Variants in PTPRD observed in about 807,000 individuals in gnomAD.
PTPRD encodes the protein receptor-type tyrosine-protein phosphatase delta.
In PTPRD, 34 loss-of-function variants were observed where a neutral mutation model predicts 214.5. That is an observed-to-expected ratio of 0.16 (90% CI 0.12 to 0.21). PTPRD has a LOEUF of 0.21. PTPRD is among the 10% of genes least tolerant of loss of function. The pLI, the probability that PTPRD is intolerant of heterozygous loss-of-function variation, is 1.00. For synonymous variants in PTPRD, 1,128 were observed against 845.7 expected (o/e 1.33, Z -5.79); for missense variants, 2,545 against 2,398.7 (o/e 1.06, Z -1.27).
intron 7 of PTPRD, among the ~76,000 whole-genome samples, chr9:9,647,726 C>T (rs2096231749): frequency 6.6e-6 from 1 of 152,182 alleles, no homozygotes; most frequent in South Asian, 2.1e-4. Flanking sequence ...CTTATTGTGA[C>T]AGCAGACCTT....
intron 3 of PTPRD, among the ~76,000 whole-genome samples, chr9:10,338,102 C>A (rs563947027): frequency 1.5e-4 from 23 of 151,674 alleles, no homozygotes; most frequent in South Asian, 2.1e-4. Flanking sequence ...CAAAGACCAA[C>A]TGAAAATGCA....
At chr9:9,640,465 C>G (rs2095903300) in intron 7 of PTPRD, among the ~76,000 whole-genome samples, 1 of 152,194 alleles carries the variant, frequency 6.6e-6, no homozygotes, top group Non-Finnish European at 1.5e-5. Flanking sequence ...GAAGCCTCTG[C>G]ACTTTTCATT....
At chr9:9,093,241 C>T (rs948886940) in intron 10 of PTPRD, among the ~76,000 whole-genome samples, 1 of 151,938 alleles carries the variant, frequency 6.6e-6, no homozygotes, top group Non-Finnish European at 1.5e-5. Flanking sequence ...TAGTTAGAGG[C>T]TTCAAAATTC....
chr9:8,547,129 C>G (rs906512056), intron 14 of PTPRD, among the ~76,000 whole-genome samples: 1 of 152,088 alleles, frequency 6.6e-6, no homozygotes, highest in Admixed American at 6.5e-5. Context: ...TAGATACAAC[C>G]TTTTAAAAAT....
intron 11 of PTPRD, among the ~76,000 whole-genome samples, chr9:8,846,469 G>C (rs1012300955): frequency 3.3e-5 from 5 of 152,154 alleles, no homozygotes; most frequent in South Asian, 2.1e-4. Flanking sequence ...CATTATGATA[G>C]ACACTATATG....
intron 2 of PTPRD, among the ~76,000 whole-genome samples, chr9:10,490,948 CTCTA>C (rs2040002384): frequency 6.6e-6 from 1 of 152,114 alleles, no homozygotes; most frequent in African/African-American, 2.4e-5. Flanking sequence ...TTTTGCATTT[CTCTA>C]TCTTAATACT....
chr9:9,631,650 CAT>C (rs1299948321), intron 7 of PTPRD, among the ~76,000 whole-genome samples: 1 of 152,120 alleles, frequency 6.6e-6, no homozygotes, highest in African/African-American at 2.4e-5. Flanking sequence ...TGTCAGGTAA[CAT>C]AGGGAAAGGA....
chr9:9,788,969 T>C (rs1484065809), intron 5 of PTPRD, among the ~76,000 whole-genome samples: 3 of 152,194 alleles, frequency 2.0e-5, no homozygotes, highest in Admixed American at 2.0e-4. Flanking sequence ...TCTAACACTT[T>C]CAAAAATTGA....
At chr9:8,350,883 T>A (rs2075265642) in intron 39 of PTPRD, among the ~76,000 whole-genome samples, 2 of 152,176 alleles carry the variant, frequency 1.3e-5, no homozygotes, top group Non-Finnish European at 2.9e-5. Flanking sequence ...ATATAGTAGT[T>A]ATAGCAGTTT....
At chr9:9,168,436 T>C (rs1156588721) in intron 10 of PTPRD, among the ~76,000 whole-genome samples, 2 of 152,178 alleles carry the variant, frequency 1.3e-5, no homozygotes, top group Non-Finnish European at 2.9e-5. Flanking sequence ...GTATATTGCA[T>C]GCATCTTCAA....
At chr9:9,665,264 A>T (rs1206256641) in intron 7 of PTPRD, among the ~76,000 whole-genome samples, 2 of 151,762 alleles carry the variant, frequency 1.3e-5, no homozygotes, top group African/African-American at 2.4e-5. Context: ...CAAATAATTG[A>T]TGTAAATAGA....
intron 20 of PTPRD, among the ~76,000 whole-genome samples, chr9:8,519,921 G>A (rs1470738138): frequency 6.6e-6 from 1 of 152,050 alleles, no homozygotes; most frequent in African/African-American, 2.4e-5. Context: ...ATTTAAAGCT[G>A]AAATGGTAAT....
At chr9:8,380,461 A>C (rs991673238) in intron 37 of PTPRD, among the ~76,000 whole-genome samples, 1 of 152,192 alleles carries the variant, frequency 6.6e-6, no homozygotes, top group Non-Finnish European at 1.5e-5. Context: ...CTTTACTTGA[A>C]GCTTAAACTG....
chr9:8,554,026 A>C (rs142385059), intron 14 of PTPRD, among the ~76,000 whole-genome samples: 1,725 of 152,254 alleles, frequency 0.011, 98 homozygotes, highest in East Asian at 0.078. Context: ...CTCTCTACTA[A>C]AGATACAAAA....
At chr9:9,625,294 C>T (rs2095385379) in intron 7 of PTPRD, among the ~76,000 whole-genome samples, 1 of 152,146 alleles carries the variant, frequency 6.6e-6, no homozygotes, top group Non-Finnish European at 1.5e-5. Flanking sequence ...GTGCACAGAT[C>T]CCAGGTAAAA....
intron 5 of PTPRD, among the ~76,000 whole-genome samples, chr9:9,907,935 T>A (rs1313083085): frequency 6.6e-6 from 1 of 151,982 alleles, no homozygotes; most frequent in African/African-American, 2.4e-5. Flanking sequence ...ACTCACAATT[T>A]TTGCAAATTA....
At chr9:8,406,582 C>G (rs2093002561) in intron 35 of PTPRD, among the ~76,000 whole-genome samples, 1 of 152,186 alleles carries the variant, frequency 6.6e-6, no homozygotes, top group Non-Finnish European at 1.5e-5. Context: ...ATCTTTGCAT[C>G]TACACTACAC....
At chr9:8,642,697 T>G (rs1224621858) in intron 12 of PTPRD, among the ~76,000 whole-genome samples, 2 of 152,144 alleles carry the variant, frequency 1.3e-5, no homozygotes, top group Non-Finnish European at 2.9e-5. Flanking sequence ...TCTGAAGGTT[T>G]GAGGGGAATG....
intron 11 of PTPRD, among the ~76,000 whole-genome samples, chr9:8,959,380 G>A (rs577234258): frequency 6.6e-6 from 1 of 152,070 alleles, no homozygotes; most frequent in East Asian, 1.9e-4. Flanking sequence ...GGAGAGCCAG[G>A]AAAATAGTGG....
Sources: gnomAD v4.1 joint callset for allele counts (sites outside exome capture counted in the v4.1 genomes callset) on GRCh38, gnomAD v4.1.1 for gene constraint, MANE v1.5 for transcripts, NCBI Gene and HGNC (gene_info 2026-07-23, HGNC 2026-07-21) for gene names.